The following NAALADL2 variants were observed in gnomAD, a reference collection of about 807,000 sequenced individuals.
NAALADL2 encodes the protein N-acetylated alpha-linked acidic dipeptidase like 2.
Under a neutral mutation model 87.2 loss-of-function variants are expected in NAALADL2, and 76 were observed. The ratio of observed to expected loss-of-function variants is 0.87; its 90% CI spans 0.72 to 1.05. NAALADL2 has a LOEUF of 1.05. NAALADL2 is among the 50% of genes least tolerant of loss of function. NAALADL2 has a pLI of 0.00. For missense variants in NAALADL2, 1,089 were observed against 945.8 expected, an observed-to-expected ratio of 1.15 and a Z score of -1.99; for synonymous variants, 354 against 331.0, an observed-to-expected ratio of 1.07 and a Z score of -0.75.
intron 13 of NAALADL2, among the ~76,000 whole-genome samples, chr3:175,774,375 C>T (rs1376010943): frequency 6.6e-6 from 1 of 151,972 alleles, no homozygotes; most frequent in Non-Finnish European, 1.5e-5. Flanking sequence ...ATTGTTATTT[C>T]AGACTTCCAT....
At chr3:174,488,032 G>C (rs1464032944) in intron 1 of NAALADL2, among the ~76,000 whole-genome samples, 1 of 152,010 alleles carries the variant, frequency 6.6e-6, no homozygotes, top group Non-Finnish European at 1.5e-5. Context: ...AAATGGAAAT[G>C]AGATGGATGT....
At chr3:174,778,635 C>A (rs1715536965) in intron 3 of NAALADL2, among the ~76,000 whole-genome samples, 1 of 152,040 alleles carries the variant, frequency 6.6e-6, no homozygotes, top group African/African-American at 2.4e-5. Flanking sequence ...CCTAGACCCC[C>A]ACCCTGCAAC....
At chr3:174,867,182 A>T (rs1444081614) in intron 1 of NAALADL2, among the ~76,000 whole-genome samples, 1 of 151,966 alleles carries the variant, frequency 6.6e-6, no homozygotes, top group Non-Finnish European at 1.5e-5. Context: ...AGAACTAGTA[A>T]ATTGGGTACT....
intron 11 of NAALADL2, among the ~76,000 whole-genome samples, chr3:175,643,305 G>A (rs1323075717): frequency 6.6e-6 from 1 of 152,168 alleles, no homozygotes; most frequent in African/African-American, 2.4e-5. Flanking sequence ...TTCCAACAAC[G>A]ATTAAGAGTA....
intron 10 of NAALADL2, among the ~76,000 whole-genome samples, chr3:175,621,868 T>C (rs1726278595): frequency 6.6e-6 from 1 of 152,140 alleles, no homozygotes; most frequent in Non-Finnish European, 1.5e-5. Context: ...TATCAAAGGA[T>C]AACTGTACCT....
intron 1 of NAALADL2, among the ~76,000 whole-genome samples, chr3:174,517,224 A>G (rs1407533577): frequency 6.6e-6 from 1 of 151,986 alleles, no homozygotes; most frequent in African/African-American, 2.4e-5. Context: ...TGCTATTTGC[A>G]TTTTGTCTAC....
chr3:175,176,076 G>A (rs575685340), intron 2 of NAALADL2, among the ~76,000 whole-genome samples: 16 of 152,024 alleles, frequency 1.1e-4, no homozygotes, highest in East Asian at 5.8e-4. Flanking sequence ...ATCAGGAACC[G>A]GTTTATTTGA....
intron 11 of NAALADL2, among the ~76,000 whole-genome samples, chr3:175,717,113 A>C (rs1371951264): frequency 6.6e-6 from 1 of 152,156 alleles, no homozygotes; most frequent in African/African-American, 2.4e-5. Context: ...TTTGAATTGC[A>C]TGATGAAATT....
chr3:175,152,298 A>T (rs1731664618), intron 2 of NAALADL2, among the ~76,000 whole-genome samples: 1 of 152,138 alleles, frequency 6.6e-6, no homozygotes, highest in Non-Finnish European at 1.5e-5. Context: ...CTTGTCCCTA[A>T]TAGGCCATCC....
chr3:175,112,193 T>C (rs1211479227), intron 2 of NAALADL2, among the ~76,000 whole-genome samples: 1 of 151,552 alleles, frequency 6.6e-6, no homozygotes, highest in Non-Finnish European at 1.5e-5. Flanking sequence ...CCATCCTTAG[T>C]AGATGTGCTT....
chr3:174,790,621 C>T (rs778197215), intron 3 of NAALADL2, among the ~76,000 whole-genome samples: 20 of 147,438 alleles, frequency 1.4e-4, no homozygotes, highest in Non-Finnish European at 2.8e-4. Context: ...GCACTCCAGC[C>T]TAGGTGACAA....
chr3:175,495,355 A>T (rs941204172), intron 9 of NAALADL2, among the ~76,000 whole-genome samples: 3 of 152,092 alleles, frequency 2.0e-5, no homozygotes, highest in African/African-American at 7.2e-5. Context: ...ACTATGCCTG[A>T]TGTTGATGAA....
At chr3:174,795,684 A>T (rs147684272) in intron 3 of NAALADL2, among the ~76,000 whole-genome samples, 60 of 152,308 alleles carry the variant, frequency 3.9e-4, no homozygotes, top group Non-Finnish European at 7.8e-4. Flanking sequence ...ATCTCTCCAC[A>T]TCTTCACCAA....
At chr3:175,534,753 G>A (rs1053463090) in intron 9 of NAALADL2, among the ~76,000 whole-genome samples, 5 of 151,522 alleles carry the variant, frequency 3.3e-5, no homozygotes, top group Non-Finnish European at 1.5e-5. Flanking sequence ...CTATGCTCCT[G>A]GTAAAAGAAT....
At chr3:174,913,130 T>C (rs1157939812) in intron 1 of NAALADL2, among the ~76,000 whole-genome samples, 2 of 152,172 alleles carry the variant, frequency 1.3e-5, no homozygotes, top group African/African-American at 2.4e-5. Context: ...GGATAAAATA[T>C]AGTATTATGA....
intron 3 of NAALADL2, among the ~76,000 whole-genome samples, chr3:174,853,842 C>T (rs905572505): frequency 3.3e-5 from 5 of 152,054 alleles, no homozygotes; most frequent in Non-Finnish European, 7.4e-5. Context: ...TCCTCTCAAC[C>T]CAGTTAAAAT....
chr3:174,927,077 A>T (rs1278208822), intron 1 of NAALADL2, among the ~76,000 whole-genome samples: 1 of 152,154 alleles, frequency 6.6e-6, no homozygotes, highest in African/African-American at 2.4e-5. Flanking sequence ...CTGATAAAAC[A>T]GACTTTAAAC....
chr3:175,067,632 C>T (rs530304241), intron 1 of NAALADL2, among the ~76,000 whole-genome samples: 2 of 152,198 alleles, frequency 1.3e-5, no homozygotes, highest in South Asian at 4.1e-4. Context: ...AATGCTTATA[C>T]ACTGTTGGTG....
chr3:174,620,946 G>C (rs1720936414), intron 2 of NAALADL2, among the ~76,000 whole-genome samples: 1 of 152,054 alleles, frequency 6.6e-6, no homozygotes, highest in Non-Finnish European at 1.5e-5. Context: ...TCTTATATTT[G>C]AAGATGGCAT....
Sources: gnomAD v4.1 joint callset for allele counts (sites outside exome capture counted in the v4.1 genomes callset) on GRCh38, gnomAD v4.1.1 for gene constraint, MANE v1.5 for transcripts, NCBI Gene and HGNC (gene_info 2026-07-23, HGNC 2026-07-21) for gene names.